The following ZDHHC21 variants were observed in gnomAD, a reference collection of about 807,000 sequenced individuals.
ZDHHC21 encodes zDHHC palmitoyltransferase 21, also known as palmitoyltransferase ZDHHC21.
ZDHHC21 carries 15 observed loss-of-function variants against 34.6 expected under a neutral mutation model. That is an observed-to-expected ratio of 0.43 (90% CI 0.29 to 0.67). The LOEUF is 0.67. Ranked by LOEUF, ZDHHC21 falls within the 30% of genes least tolerant of loss-of-function variation. The probability of loss-of-function intolerance (pLI) is 0.14; values close to 1 mark genes in which losing one functional copy is unlikely to be tolerated. For synonymous variants in ZDHHC21, 142 were observed against 101.8 expected (o/e 1.40, Z -2.38); for missense variants, 344 against 327.7 (o/e 1.05, Z -0.38).
At chr9:14,691,067 G>C (rs60495987) in intron 1 of ZDHHC21, among the ~76,000 whole-genome samples, 29,197 of 152,072 alleles carry the variant, frequency 0.19, 2,954 homozygotes, top group East Asian at 0.35. Context: ...CTTTTGCCTG[G>C]TAGTATTGAT....
chr9:14,601,709 C>A, the ZDHHC21 span, among the ~76,000 whole-genome samples: 4 of 152,104 alleles, frequency 2.6e-5, no homozygotes, highest in African/African-American at 7.2e-5. Context: ...ATGTTTACTG[C>A]AGTACAATTC....
In ZDHHC21 at chr9:14,656,812, T is replaced by TA. The variant is rs541746866; in HGVS notation, c.504+1936dup. Among the ~76,000 whole-genome samples, 935 of 152,052 alleles carry TA rather than the reference T, an allele frequency of 6.1e-3. 15 individuals carry two copies. The highest frequency in any genetic ancestry group is 0.021 in the African/African-American group (882 of 41,546). On this transcript the variant is annotated intron_variant, in intron 7 of 9. Coordinates refer to ENST00000380916, the MANE Select transcript of ZDHHC21 (RefSeq NM_178566.6). ...CTAACATATTATTATGATTTTTATT[T>TA]AAAAAAATCACCTGCTTGCATCTAC...
chr9:14,613,297 A>T lies in ZDHHC21; in HGVS notation c.*5669T>A, dbSNP rs989668169. 2 of 151,870 alleles carry T rather than the reference A, an allele frequency of 1.3e-5. No homozygotes were observed. The highest frequency in any genetic ancestry group is 2.4e-5 in the African/African-American group (1 of 41,402). 9.4% of individuals were successfully genotyped at this position (151,870 alleles called of 1,614,324 possible). A position where few individuals can be genotyped will look rare whatever the true frequency, so the allele number is the denominator to read the frequency against. ...AGAAAACTCAGTCAACCAAAAAGAAAATTAACTCTTTGGTACAGGAATTAA... is the reference window on the plus strand; with the variant it reads ...AGAAAACTCAGTCAACCAAAAAGAATATTAACTCTTTGGTACAGGAATTAA... On this transcript the variant is annotated 3_prime_UTR_variant, in exon 10 of 10. Coordinates refer to ENST00000380916, the MANE Select transcript of ZDHHC21 (RefSeq NM_178566.6).
At chr9:14,630,786 T>C (rs1391869329) in intron 8 of ZDHHC21, among the ~76,000 whole-genome samples, 3 of 152,254 alleles carry the variant, frequency 2.0e-5, no homozygotes, top group Non-Finnish European at 2.9e-5. Context: ...AGTGACTTGA[T>C]GCATTGTCAA....
chr9:14,660,433 A>G (rs1378931202), intron 6 of ZDHHC21, among the ~76,000 whole-genome samples: 1 of 138,968 alleles, frequency 7.2e-6, no homozygotes, highest in Non-Finnish European at 1.6e-5. Context: ...CCTTGAGGCA[A>G]CGTGAGAATT....
At chr9:14,662,090 A>G (rs1185386544) in intron 6 of ZDHHC21, 125 bp downstream of exon 6, 8 of 549,452 alleles carry the variant, frequency 1.5e-5, no homozygotes, top group Non-Finnish European at 2.4e-5. Flanking sequence ...AAATAAAGAT[A>G]TCCTTATTAA....
Position 14,693,391 on chromosome 9 carries a change from G to A in ZDHHC21, c.-387C>T, listed in dbSNP as rs1381346830. 1 of 333,942 alleles carries A rather than the reference G, an allele frequency of 3.0e-6. No homozygotes were observed. The highest frequency in any genetic ancestry group is 2.1e-5 in the South Asian group (1 of 46,602). The allele number at this position is 333,942 out of a possible 1,614,324, so 20.7% of individuals were successfully genotyped here. ...GCCTGAGGGCCTGGACCGGCCGAGT[G>A]GGTGTCCGCATGCCCGCGCGCCCGC... On this transcript the variant is annotated 5_prime_UTR_variant, in exon 1 of 10. Transcript: ENST00000380916.
At chr9:14,675,647 G>A (rs574008360) in intron 3 of ZDHHC21, among the ~76,000 whole-genome samples, 1 of 151,996 alleles carries the variant, frequency 6.6e-6, no homozygotes, top group Non-Finnish European at 1.5e-5. Flanking sequence ...AGACACTGCA[G>A]ATACAATGAT....
chr9:14,681,660 G>A (rs757232973), intron 2 of ZDHHC21, among the ~76,000 whole-genome samples: 2 of 152,010 alleles, frequency 1.3e-5, no homozygotes, highest in African/African-American at 2.4e-5. Flanking sequence ...TAGGTTGACT[G>A]TTAACCCCGT....
At chr9:14,671,475 C>T (rs981487072) in intron 5 of ZDHHC21, among the ~76,000 whole-genome samples, 9 of 151,992 alleles carry the variant, frequency 5.9e-5, no homozygotes, top group Admixed American at 5.9e-4. Context: ...CACAGATCAC[C>T]TTTAAAAAGC....
At chr9:14,592,850 C>G in the ZDHHC21 span, among the ~76,000 whole-genome samples, 2 of 152,062 alleles carry the variant, frequency 1.3e-5, no homozygotes, top group Non-Finnish European at 2.9e-5. Context: ...AATTAGAAAT[C>G]AACAGCAGAA....
At chr9:14,608,378 A>C (rs1416880354), downstream of ZDHHC21, among the ~76,000 whole-genome samples, 3 of 152,112 alleles carry the variant, frequency 2.0e-5, no homozygotes, top group Non-Finnish European at 4.4e-5. Flanking sequence ...TATCACCCAA[A>C]CCATGCTACA....
intron 7 of ZDHHC21, among the ~76,000 whole-genome samples, chr9:14,652,517 T>A (rs1831408653): frequency 1.3e-5 from 2 of 151,906 alleles, no homozygotes; most frequent in African/African-American, 4.8e-5. Flanking sequence ...AAGTAAAGAT[T>A]AAGAAGAAAT....
chr9:14,620,502 G>A (rs1008281586), intron 8 of ZDHHC21, among the ~76,000 whole-genome samples: 3 of 151,898 alleles, frequency 2.0e-5, no homozygotes, highest in African/African-American at 7.2e-5. Flanking sequence ...ACCAAAAGCT[G>A]GAGAAGTTTT....
downstream of ZDHHC21, among the ~76,000 whole-genome samples, chr9:14,607,391 C>A (rs1451356129): frequency 6.6e-6 from 1 of 151,754 alleles, no homozygotes; most frequent in Non-Finnish European, 1.5e-5. Context: ...GTGACAGAGG[C>A]AGACCCTGTA....
Position 14,675,206 on chromosome 9 carries a change from T to A in ZDHHC21, c.-45-821A>T, listed in dbSNP as rs532537302. On this transcript the variant is annotated intron_variant, in intron 3 of 9. Transcript: ENST00000380916. Reference sequence around the variant, plus strand: ...GAGACACTTAAGGACTTAAAATACTTCTATATAAATATGGTACCAAAAAAG... The same window carrying A: ...GAGACACTTAAGGACTTAAAATACTACTATATAAATATGGTACCAAAAAAG... Among the ~76,000 whole-genome samples the A allele has an allele frequency of 7.2e-5, 11 of 151,958 alleles. No individual in the cohort carries two copies. The South Asian group carries it at 2.3e-3, about 32-fold the overall frequency.
chr9:14,603,237 T>C, the ZDHHC21 span, among the ~76,000 whole-genome samples: 3 of 151,964 alleles, frequency 2.0e-5, no homozygotes, highest in East Asian at 5.8e-4. Context: ...AGACAGAAAA[T>C]AATGTATTAA....
intron 8 of ZDHHC21, among the ~76,000 whole-genome samples, chr9:14,627,044 C>T (rs186432590): frequency 7.2e-5 from 11 of 152,082 alleles, no homozygotes; most frequent in African/African-American, 2.6e-4. Flanking sequence ...TGACCTGGAG[C>T]TGAGTACATC....
intron 7 of ZDHHC21, among the ~76,000 whole-genome samples, chr9:14,640,249 C>G (rs796385857): frequency 7.1e-6 from 1 of 141,720 alleles, no homozygotes; most frequent in African/African-American, 2.6e-5. Context: ...TCTACTGCAT[C>G]AAAACTCCTC....
Sources: allele counts gnomAD v4.1 joint callset (sites outside exome capture counted in the v4.1 genomes callset), GRCh38; gene constraint gnomAD v4.1.1; transcripts MANE v1.5; gene names NCBI Gene and HGNC (gene_info 2026-07-23, HGNC 2026-07-21).